Variants in ABHD2 observed in about 807,000 individuals in gnomAD.
The protein encoded by ABHD2 is abhydrolase domain containing 2, acylglycerol lipase.
Under a neutral mutation model 48.1 loss-of-function variants are expected in ABHD2, and 20 were observed. The observed-to-expected ratio is 0.42, with a 90% confidence interval of 0.29 to 0.60. The LOEUF is 0.60. Among genes scored for constraint, ABHD2 ranks in the 20% least tolerant of loss-of-function variants. ABHD2 has a pLI of 0.24. For missense variants in ABHD2, 405 were observed against 550.9 expected, an observed-to-expected ratio of 0.74 and a Z score of 2.65; for synonymous variants, 209 against 214.2, an observed-to-expected ratio of 0.98 and a Z score of 0.21.
chr15:89,130,784 G>A (rs1336728309), intron 3 of ABHD2, among the ~76,000 whole-genome samples: 2 of 152,180 alleles, frequency 1.3e-5, no homozygotes, highest in African/African-American at 2.4e-5. Context: ...TCCATCAGCT[G>A]TCATTAGTGT....
chr15:89,061,102 AGG>A, the ABHD2 span, among the ~76,000 whole-genome samples: 1 of 151,894 alleles, frequency 6.6e-6, no homozygotes, highest in African/African-American at 2.4e-5. Flanking sequence ...GGAGGGAAGG[AGG>A]GAGGGAAGGA....
intron 6 of ABHD2, among the ~76,000 whole-genome samples, chr15:89,181,699 G>A (rs1021744980): frequency 6.6e-6 from 1 of 152,204 alleles, no homozygotes; most frequent in Non-Finnish European, 1.5e-5. Flanking sequence ...ACCATTAGAT[G>A]CATTCTTTCC....
the ABHD2 span, among the ~76,000 whole-genome samples, chr15:89,079,349 G>A: frequency 1.4e-4 from 22 of 151,826 alleles, no homozygotes; most frequent in Admixed American, 3.9e-4. This position sits in a 1 kb window ranked among gnomAD's most constrained non-coding sequence, Gnocchi z 4.3. Flanking sequence ...ACCCTTTTTG[G>A]AAAAAGCACA....
the ABHD2 span, among the ~76,000 whole-genome samples, chr15:89,065,153 C>T: frequency 2.0e-4 from 30 of 152,152 alleles, 1 homozygote; most frequent in East Asian, 5.4e-3. Context: ...CAGTTATTTC[C>T]AGCTCAGAGA....
In ABHD2 at chr15:89,130,459, C is replaced by G. The variant is rs148719097; in HGVS notation, c.194+13938C>G. Among the ~76,000 whole-genome samples the G allele has an allele frequency of 3.7e-4, 57 of 152,208 alleles. 1 individual carries two copies. The East Asian group carries it at 0.01, about 27-fold the overall frequency. ...TTCCCATTTCATTGGTTTGGGTGTC[C>G]AAGGGAGATAATACAGTCATGGGTT... On this transcript the variant is annotated intron_variant, in intron 3 of 10. Coordinates refer to ENST00000352732, the MANE Select transcript of ABHD2 (RefSeq NM_152924.5).
the ABHD2 span, among the ~76,000 whole-genome samples, chr15:89,043,601 G>T: frequency 7.0e-6 from 1 of 143,734 alleles, no homozygotes; most frequent in Non-Finnish European, 1.5e-5. Flanking sequence ...AGGAGGAGGA[G>T]AGGAGGAGGA....
At position 89,116,969 on chromosome 15, in the gene ABHD2, A is replaced by G. The variant is rs2049970594; in HGVS notation, c.194+448A>G. The stretch of plus-strand genomic sequence containing the variant: ...AAAAATGTACCAAGCATTAGCTAAG[A>G]GAATGCACTTAAAGAGAGTGCTTTG... On this transcript the variant is annotated intron_variant, in intron 3 of 10. Coordinates refer to ENST00000352732, the MANE Select transcript of ABHD2 (RefSeq NM_152924.5). This position sits in a 1 kb window ranked among gnomAD's most constrained non-coding sequence, Gnocchi z 4.6. Among the ~76,000 whole-genome samples, 1 of 152,224 alleles carries G rather than the reference A, an allele frequency of 6.6e-6. No homozygotes were observed. The highest frequency in any genetic ancestry group is 1.5e-5 in the Non-Finnish European group (1 of 68,032).
Position 89,185,123 on chromosome 15 carries a change from C to T in ABHD2, c.723-301C>T, listed in dbSNP as rs182957041. On this transcript the variant is annotated intron_variant, in intron 6 of 10. Transcript: ENST00000352732. The surrounding 1 kb of genome is among the most constrained non-coding windows in gnomAD (Gnocchi z 5.9). ...AAGCAGACTTTGGTCCTGGCAGGCTCAGTGACTAAGAGAAGGTCCAGGTGC... is the reference window on the plus strand; with the variant it reads ...AAGCAGACTTTGGTCCTGGCAGGCTTAGTGACTAAGAGAAGGTCCAGGTGC... Among the ~76,000 whole-genome samples the T allele has an allele frequency of 6.6e-6, 1 of 152,330 alleles. No individual in the cohort carries two copies. The highest frequency in any genetic ancestry group is 1.9e-4 in the East Asian group (1 of 5,188).
At chr15:89,172,796 G>A (rs1337318881) in intron 5 of ABHD2, among the ~76,000 whole-genome samples, 1 of 152,156 alleles carries the variant, frequency 6.6e-6, no homozygotes, top group Non-Finnish European at 1.5e-5. Flanking sequence ...CTTACCCAAG[G>A]TAACGGTATT....
rs530246676 is a variant in ABHD2, at chr15:89,177,174, C to T, written c.722+1179C>T. ...AGGTCTGGGTTCTATTTTTCCGTGC[C>T]GGCAATATGGGGATGATGATGATAA... On this transcript the variant is annotated intron_variant, in intron 6 of 10. Coordinates refer to ENST00000352732, the MANE Select transcript of ABHD2 (RefSeq NM_152924.5). The surrounding 1 kb of genome is among the most constrained non-coding windows in gnomAD (Gnocchi z 5.6). Among the ~76,000 whole-genome samples, 6 of 152,100 alleles carry T rather than the reference C, an allele frequency of 3.9e-5. No individual in the cohort carries two copies. Among genetic ancestry groups the T allele is most frequent in the South Asian group, 2.1e-4 (1 of 4,828 alleles).
At chr15:89,109,571 A>G (rs2049841627) in intron 1 of ABHD2, among the ~76,000 whole-genome samples, 1 of 151,988 alleles carries the variant, frequency 6.6e-6, no homozygotes, top group Admixed American at 6.6e-5. Context: ...TGTTCATTTT[A>G]ACTGGATTTC....
chr15:89,071,986 G>C, the ABHD2 span, among the ~76,000 whole-genome samples: 1 of 152,160 alleles, frequency 6.6e-6, no homozygotes, highest in South Asian at 2.1e-4. Flanking sequence ...ACACTAAAGT[G>C]TTGTGTCCCA....
At chr15:89,076,433 C>A in the ABHD2 span, among the ~76,000 whole-genome samples, 2 of 152,068 alleles carry the variant, frequency 1.3e-5, no homozygotes, top group Non-Finnish European at 2.9e-5. Context: ...AATTAATATT[C>A]ATTCCCCAAT....
chr15:89,107,459 T>C (rs2049804348), intron 1 of ABHD2, among the ~76,000 whole-genome samples: 1 of 152,216 alleles, frequency 6.6e-6, no homozygotes. Flanking sequence ...TGGTCGTTTC[T>C]ATCTGTCAAC....
At position 89,112,748 on chromosome 15, in the gene ABHD2, C is replaced by T. The variant is rs113126402; in HGVS notation, c.-106-977C>T. ...CCTGCACCATCCATTTTCTTGCTTGCCTCTCTTTCTTTCTCACTTACCTGC... is the reference window on the plus strand; with the variant it reads ...CCTGCACCATCCATTTTCTTGCTTGTCTCTCTTTCTTTCTCACTTACCTGC... On this transcript the variant is annotated intron_variant, in intron 1 of 10. Coordinates refer to ENST00000352732, the MANE Select transcript of ABHD2 (RefSeq NM_152924.5). 1.5e-3 allele frequency among the ~76,000 whole-genome samples: 230 copies of T among 152,324 alleles called. 2 individuals carry two copies. The highest frequency in any genetic ancestry group is 5.3e-3 in the African/African-American group (222 of 41,576).
At chr15:89,161,502 G>C (rs560825156) in intron 5 of ABHD2, among the ~76,000 whole-genome samples, 127 of 152,316 alleles carry the variant, frequency 8.3e-4, no homozygotes, top group African/African-American at 3.0e-3. Context: ...CCAGGTTCAA[G>C]TGATTCTCCT....
In ABHD2 at chr15:89,094,292, C is replaced by G. The variant is rs563310523; in HGVS notation, c.-107+5729C>G. 1 of 152,268 alleles carries G rather than the reference C, an allele frequency of 6.6e-6. No homozygotes were observed. The highest frequency in any genetic ancestry group is 1.9e-4 in the East Asian group (1 of 5,182). The allele number at this position is 152,268 out of a possible 1,614,324, so 9.4% of individuals were successfully genotyped here. A position where few individuals can be genotyped will look rare whatever the true frequency, so the allele number is the denominator to read the frequency against. Reference sequence around the variant, plus strand: ...AGAGAAGCTTTGAAAGATTGCCTCCCTATGTGTACAGTCACTGTAGGCATG... The same window carrying G: ...AGAGAAGCTTTGAAAGATTGCCTCCGTATGTGTACAGTCACTGTAGGCATG... On this transcript the variant is annotated intron_variant, in intron 1 of 10. Transcript: ENST00000352732. This position sits in a 1 kb window ranked among gnomAD's most constrained non-coding sequence, Gnocchi z 4.7.
At chr15:89,129,772 C>A (rs575143867) in intron 3 of ABHD2, among the ~76,000 whole-genome samples, 1 of 150,652 alleles carries the variant, frequency 6.6e-6, no homozygotes, top group Admixed American at 6.6e-5. Context: ...GCACTTATTT[C>A]ATAGGTTCAG....
chr15:89,042,105 TC>T, the ABHD2 span, among the ~76,000 whole-genome samples: 1 of 152,172 alleles, frequency 6.6e-6, no homozygotes, highest in East Asian at 1.9e-4. Context: ...AAACTTATCC[TC>T]ATAGCCACTT....
Sources: allele counts gnomAD v4.1 joint callset (sites outside exome capture counted in the v4.1 genomes callset), GRCh38; gene constraint gnomAD v4.1.1; non-coding constraint Gnocchi (gnomAD v3.1); transcripts MANE v1.5; gene names NCBI Gene and HGNC (gene_info 2026-07-23, HGNC 2026-07-21).